The following OPCML variants were observed in gnomAD, a reference collection of about 807,000 sequenced individuals.
The protein encoded by OPCML is opioid-binding protein/cell adhesion molecule.
OPCML carries 13 observed loss-of-function variants against 37.8 expected under a neutral mutation model. That is an observed-to-expected ratio of 0.34 (90% confidence interval 0.22 to 0.55). The LOEUF (loss-of-function observed/expected upper bound fraction) is 0.55. Among genes scored for constraint, OPCML ranks in the 20% least tolerant of loss-of-function variants. OPCML has a pLI of 0.91. For missense variants in OPCML, 341 were observed against 435.6 expected, an observed-to-expected ratio of 0.78 and a Z score of 1.93; for synonymous variants, 176 against 168.8, an observed-to-expected ratio of 1.04 and a Z score of -0.33.
chr11:133,465,947 TA>T (rs1407388808), intron 1 of OPCML, among the ~76,000 whole-genome samples: 1 of 152,266 alleles, frequency 6.6e-6, no homozygotes, highest in African/African-American at 2.4e-5. Context: ...GATTAAAGAT[TA>T]AAAATATGTT....
At chr11:133,113,941 A>T (rs1402372780) in intron 1 of OPCML, among the ~76,000 whole-genome samples, 1 of 152,148 alleles carries the variant, frequency 6.6e-6, no homozygotes, top group Admixed American at 6.5e-5. Context: ...TTTTTAGACC[A>T]CCTTGTTGAT....
chr11:133,458,537 A>T (rs1946761107), intron 1 of OPCML, among the ~76,000 whole-genome samples: 1 of 110,080 alleles, frequency 9.1e-6, no homozygotes, highest in Non-Finnish European at 1.6e-5. Context: ...GTGTGTATAC[A>T]CATATATACA....
chr11:133,331,139 A>C (rs565732221), intron 1 of OPCML, among the ~76,000 whole-genome samples: 22 of 152,336 alleles, frequency 1.4e-4, no homozygotes, highest in African/African-American at 5.3e-4. Flanking sequence ...TTATTATAGA[A>C]AGTTCAAGAA....
At chr11:133,321,242 T>G (rs1246947375) in intron 1 of OPCML, among the ~76,000 whole-genome samples, 3 of 152,218 alleles carry the variant, frequency 2.0e-5, no homozygotes, top group Non-Finnish European at 4.4e-5. Flanking sequence ...GGAATGAAGG[T>G]GCAGTGCTGG....
chr11:132,850,724 C>A (rs1941773089), intron 2 of OPCML, among the ~76,000 whole-genome samples: 1 of 152,142 alleles, frequency 6.6e-6, no homozygotes, highest in South Asian at 2.1e-4. Flanking sequence ...ACCTCCTAAA[C>A]CTCAGTCAAC....
intron 3 of OPCML, among the ~76,000 whole-genome samples, chr11:132,655,862 CTT>C (rs1181492812): frequency 1.3e-3 from 173 of 134,300 alleles, no homozygotes; most frequent in African/African-American, 2.8e-3. Flanking sequence ...CATCGTGGTC[CTT>C]TTTTTTTTTT....
intron 1 of OPCML, among the ~76,000 whole-genome samples, chr11:133,478,079 T>C (rs1390965545): frequency 6.6e-6 from 1 of 152,184 alleles, no homozygotes; most frequent in Non-Finnish European, 1.5e-5. Context: ...TAATTATAGA[T>C]TTCATTTTGG....
intron 3 of OPCML, among the ~76,000 whole-genome samples, chr11:132,569,809 G>T (rs1390066054): frequency 6.6e-6 from 1 of 152,064 alleles, no homozygotes; most frequent in Non-Finnish European, 1.5e-5. Context: ...ATGGTCTATT[G>T]CAATGAAAAC....
intron 1 of OPCML, among the ~76,000 whole-genome samples, chr11:133,204,647 C>G (rs1004014680): frequency 1.8e-4 from 27 of 151,850 alleles, no homozygotes; most frequent in African/African-American, 6.5e-4. Flanking sequence ...CATGATCCTT[C>G]AGAATTACAA....
chr11:133,521,360 G>A (rs1468816818), intron 1 of OPCML, among the ~76,000 whole-genome samples: 2 of 152,148 alleles, frequency 1.3e-5, no homozygotes, highest in African/African-American at 2.4e-5. Flanking sequence ...CCTTCCACAC[G>A]GTGAAGGCAG....
chr11:132,509,001 C>T (rs994306525), intron 4 of OPCML, among the ~76,000 whole-genome samples: 1 of 152,076 alleles, frequency 6.6e-6, no homozygotes, highest in African/African-American at 2.4e-5. Context: ...GTTTGGACCT[C>T]CCTAAATACT....
chr11:133,244,524 C>T (rs1419716657), intron 1 of OPCML, among the ~76,000 whole-genome samples: 1 of 152,144 alleles, frequency 6.6e-6, no homozygotes, highest in African/African-American at 2.4e-5. Flanking sequence ...TGGTTTGGCT[C>T]TGTGTTCCCA....
At chr11:133,245,291 C>A (rs1304232024) in intron 1 of OPCML, among the ~76,000 whole-genome samples, 1 of 152,182 alleles carries the variant, frequency 6.6e-6, no homozygotes, top group Non-Finnish European at 1.5e-5. Flanking sequence ...TTAGAGAATT[C>A]AGTTCTGTAA....
rs370951219 is a variant in OPCML, at chr11:133,159,383, G to A, written c.62-216373C>T. On this transcript the variant is annotated intron_variant, in intron 1 of 7. Transcript: ENST00000524381. ...GTGGCCCTAAATGTTAGAGGCAGTGGCAAGAAGCTATGTGCTTCTCACTCA... is the reference window on the plus strand; with the variant it reads ...GTGGCCCTAAATGTTAGAGGCAGTGACAAGAAGCTATGTGCTTCTCACTCA... 3.3e-5 allele frequency among the ~76,000 whole-genome samples: 5 copies of A among 152,262 alleles called. No individual in the cohort carries two copies. The East Asian group carries it at 7.7e-4, about 24-fold the overall frequency.
chr11:133,067,362 A>T (rs973744390), intron 1 of OPCML: 2 of 152,218 alleles, frequency 1.3e-5, no homozygotes, highest in Non-Finnish European at 2.9e-5. Flanking sequence ...CTTCAATATG[A>T]AAGCAGCCAC....
At chr11:132,852,657 G>A (rs1348424278) in intron 2 of OPCML, among the ~76,000 whole-genome samples, 3 of 152,056 alleles carry the variant, frequency 2.0e-5, no homozygotes, top group African/African-American at 7.2e-5. Context: ...AGAAGACAAT[G>A]CCTGTTTGCC....
intron 1 of OPCML, among the ~76,000 whole-genome samples, chr11:133,078,530 A>G (rs1364640035): frequency 3.3e-5 from 5 of 152,200 alleles, no homozygotes; most frequent in Admixed American, 2.6e-4. Context: ...TGAAAAGGAA[A>G]TAATAATATA....
intron 1 of OPCML, among the ~76,000 whole-genome samples, chr11:133,089,765 T>TA (rs558213786): frequency 0.12 from 17,850 of 143,572 alleles, 1,575 homozygotes; most frequent in African/African-American, 0.26. Flanking sequence ...AACCAACCCC[T>TA]AAAAAAAAAA....
At chr11:133,057,537 C>T (rs950370069) in intron 1 of OPCML, among the ~76,000 whole-genome samples, 12 of 152,332 alleles carry the variant, frequency 7.9e-5, no homozygotes, top group African/African-American at 2.9e-4. Flanking sequence ...TCCAGTAGGA[C>T]ATGGGAGGTG....
Sources: gnomAD v4.1 joint callset for allele counts (sites outside exome capture counted in the v4.1 genomes callset) on GRCh38, gnomAD v4.1.1 for gene constraint, MANE v1.5 for transcripts, NCBI Gene and HGNC (gene_info 2026-07-23, HGNC 2026-07-21) for gene names.